Variants in RABGAP1L observed in about 807,000 individuals in gnomAD.
RABGAP1L encodes the protein RAB GTPase activating protein 1 like.
Under a neutral mutation model 137.7 loss-of-function variants are expected in RABGAP1L, and 63 were observed. The ratio of observed to expected loss-of-function variants is 0.46; its 90% CI spans 0.37 to 0.56. The LOEUF is 0.56. RABGAP1L is among the 20% of genes least tolerant of loss of function. RABGAP1L has a pLI of 0.00. For missense variants in RABGAP1L, 1,095 were observed against 1,244.0 expected, an observed-to-expected ratio of 0.88 and a Z score of 1.80; for synonymous variants, 431 against 433.7, an observed-to-expected ratio of 0.99 and a Z score of 0.08.
At chr1:174,532,056 G>A (rs966645501) in intron 13 of RABGAP1L, among the ~76,000 whole-genome samples, 1 of 151,732 alleles carries the variant, frequency 6.6e-6, no homozygotes, top group Non-Finnish European at 1.5e-5. Flanking sequence ...ATAAGATATA[G>A]AAATTAGAAA....
At chr1:174,734,226 A>C (rs183178814) in intron 17 of RABGAP1L, among the ~76,000 whole-genome samples, 73 of 152,280 alleles carry the variant, frequency 4.8e-4, no homozygotes, top group Admixed American at 1.4e-3. Flanking sequence ...AGTGAGGCTA[A>C]AACGTTGATT....
At chr1:174,281,311 A>G (rs755582579) in intron 10 of RABGAP1L, among the ~76,000 whole-genome samples, 2 of 152,094 alleles carry the variant, frequency 1.3e-5, no homozygotes, top group Non-Finnish European at 2.9e-5. Context: ...CAGAGCGCTG[A>G]TTGGTCCATT....
chr1:174,181,855 G>T (rs780945210), intron 1 of RABGAP1L, among the ~76,000 whole-genome samples: 26 of 152,174 alleles, frequency 1.7e-4, no homozygotes, highest in Non-Finnish European at 3.5e-4. Context: ...GGGTAGGAAT[G>T]ATTATTTACA....
chr1:174,228,048 G>T (rs1401959719), intron 3 of RABGAP1L, among the ~76,000 whole-genome samples: 1 of 151,888 alleles, frequency 6.6e-6, no homozygotes, highest in Admixed American at 6.6e-5. Flanking sequence ...TTTTACTGCA[G>T]ATCTTGTATT....
intron 13 of RABGAP1L, among the ~76,000 whole-genome samples, chr1:174,534,017 C>T (rs368915135): frequency 6.6e-6 from 1 of 152,104 alleles, no homozygotes; most frequent in African/African-American, 2.4e-5. Context: ...ACCAAGGCTT[C>T]TGGCTAGCAG....
chr1:174,639,283 T>C (rs545035286), intron 14 of RABGAP1L, among the ~76,000 whole-genome samples: 82 of 152,260 alleles, frequency 5.4e-4, no homozygotes, highest in African/African-American at 1.8e-3. Context: ...GCTAGAAATA[T>C]ATAACTTATA....
intron 5 of RABGAP1L, chr1:174,245,825 G>A (rs1571754164): frequency 6.6e-6 from 1 of 151,634 alleles, no homozygotes; most frequent in East Asian, 1.9e-4. Context: ...TAATAGAGAC[G>A]GGGTTTCACC....
At chr1:174,874,784 G>A (rs1652816846) in intron 19 of RABGAP1L, among the ~76,000 whole-genome samples, 1 of 151,768 alleles carries the variant, frequency 6.6e-6, no homozygotes, top group Non-Finnish European at 1.5e-5. Context: ...AGAAAATGAC[G>A]GTAGAGTGAC....
intron 19 of RABGAP1L, among the ~76,000 whole-genome samples, chr1:174,926,568 G>A (rs1662871808): frequency 2.0e-5 from 3 of 151,566 alleles, no homozygotes; most frequent in Admixed American, 1.3e-4. Flanking sequence ...CTAGTGTATA[G>A]ACATACTATT....
At chr1:174,218,696 G>T (rs759220815) in intron 1 of RABGAP1L, among the ~76,000 whole-genome samples, 1 of 151,740 alleles carries the variant, frequency 6.6e-6, no homozygotes, top group Non-Finnish European at 1.5e-5. Context: ...GTTTTTTTTT[G>T]AAGCATTTAG....
chr1:174,779,993 G>A (rs1296382237), intron 18 of RABGAP1L, among the ~76,000 whole-genome samples: 3 of 151,758 alleles, frequency 2.0e-5, no homozygotes, highest in Non-Finnish European at 4.4e-5. Flanking sequence ...TTGAGCCCAG[G>A]AGGGGGAGAT....
intron 12 of RABGAP1L, among the ~76,000 whole-genome samples, chr1:174,373,078 C>T (rs568134062): frequency 1.9e-4 from 29 of 152,288 alleles, no homozygotes; most frequent in African/African-American, 6.3e-4. Context: ...AAGCATTGTC[C>T]ACCTAAATGT....
intron 3 of RABGAP1L, among the ~76,000 whole-genome samples, chr1:174,223,386 T>C (rs1669919138): frequency 7.8e-6 from 1 of 128,388 alleles, no homozygotes; most frequent in Non-Finnish European, 1.6e-5. Context: ...GAGGTTGCAA[T>C]GAACTGAGAT....
At chr1:174,334,093 T>G (rs75561972) in intron 11 of RABGAP1L, among the ~76,000 whole-genome samples, 6,458 of 152,278 alleles carry the variant, frequency 0.042, 475 homozygotes, top group African/African-American at 0.15. Context: ...ACCTTGCACA[T>G]GTACAATGCA....
At chr1:174,841,163 T>C (rs1375942140) in intron 19 of RABGAP1L, among the ~76,000 whole-genome samples, 1 of 152,110 alleles carries the variant, frequency 6.6e-6, no homozygotes, top group Non-Finnish European at 1.5e-5. Context: ...AAGTCAATAT[T>C]TGAGATTGTC....
rs537381056 is a variant in RABGAP1L, at chr1:174,606,481, T to G, written c.1711-30894T>G. 1.1e-4 allele frequency among the ~76,000 whole-genome samples: 16 copies of G among 152,366 alleles called. No individual in the cohort carries two copies. The East Asian group carries it at 3.1e-3, about 29-fold the overall frequency. ...TGCCAATTTTAAAGCTACTTTCTTC[T>G]GTGACCAGAACATTTTTTAAGACGT... On this transcript the variant is annotated intron_variant, in intron 13 of 25. Transcript: ENST00000681986.
At chr1:174,826,247 T>G (rs1408080129) in intron 19 of RABGAP1L, among the ~76,000 whole-genome samples, 2 of 152,228 alleles carry the variant, frequency 1.3e-5, no homozygotes, top group Non-Finnish European at 2.9e-5. Flanking sequence ...TTTCTTTTTT[T>G]GGAGACAGAG....
intron 1 of RABGAP1L, among the ~76,000 whole-genome samples, chr1:174,187,533 AGTACATTTTAAAATGGAAGTGT>A: frequency 6.6e-6 from 1 of 152,272 alleles, no homozygotes; most frequent in South Asian, 2.1e-4. Context: ...GATAGCCTAT[AGTACATTTTAAAATGGAAGTGT>A]GTACATCCAA....
At chr1:174,317,887 G>A (rs1679538626) in intron 11 of RABGAP1L, among the ~76,000 whole-genome samples, 1 of 152,132 alleles carries the variant, frequency 6.6e-6, no homozygotes, top group Admixed American at 6.5e-5. Context: ...GCATCAGCAG[G>A]AGTTGGGTCA....
Sources: gnomAD v4.1 joint callset for allele counts (sites outside exome capture counted in the v4.1 genomes callset) on GRCh38, gnomAD v4.1.1 for gene constraint, MANE v1.5 for transcripts, NCBI Gene and HGNC (gene_info 2026-07-23, HGNC 2026-07-21) for gene names.